The following IL1R1 variants were observed in gnomAD, a reference collection of about 807,000 sequenced individuals.
The protein encoded by IL1R1 is interleukin 1 receptor type 1.
A neutral mutation model predicts 50.2 loss-of-function variants in IL1R1; 22 were observed. The observed-to-expected ratio is 0.44, with a 90% CI of 0.31 to 0.63. IL1R1 has a LOEUF of 0.63. Among genes scored for constraint, IL1R1 ranks in the 20% least tolerant of loss-of-function variants. The probability of loss-of-function intolerance (pLI) is 0.07; values close to 1 mark genes in which losing one functional copy is unlikely to be tolerated. For synonymous variants in IL1R1, 251 were observed against 236.7 expected (o/e 1.06, Z -0.55); for missense variants, 509 against 676.2 (o/e 0.75, Z 2.74).
chr2:102,140,255 C>A (rs1185179260), upstream of IL1R1, among the ~76,000 whole-genome samples: 1 of 152,220 alleles, frequency 6.6e-6, no homozygotes. Context: ...TGTCCTGCCA[C>A]ATGGGCCATA....
intron 2 of IL1R1, among the ~76,000 whole-genome samples, chr2:102,155,338 G>A (rs1418473056): frequency 6.6e-6 from 1 of 152,210 alleles, no homozygotes; most frequent in East Asian, 1.9e-4. Context: ...GAGGCACGGA[G>A]GCTGAGCTTT....
At chr2:102,092,342 T>C (rs1029660049) in intron 1 of IL1R1, among the ~76,000 whole-genome samples, 12 of 152,144 alleles carry the variant, frequency 7.9e-5, no homozygotes, top group African/African-American at 2.9e-4. Flanking sequence ...GTTTTTCCGC[T>C]CCTAGTCGTT....
At chr2:102,079,299 T>C in intron 1 of IL1R1, among the ~76,000 whole-genome samples, 1 of 152,126 alleles carries the variant, frequency 6.6e-6, no homozygotes, top group Non-Finnish European at 1.5e-5. Flanking sequence ...AAAATTCATA[T>C]TGGAAAAAAC....
chr2:102,160,359 C>A (rs554251980), intron 3 of IL1R1, among the ~76,000 whole-genome samples: 1 of 151,740 alleles, frequency 6.6e-6, no homozygotes, highest in Admixed American at 6.6e-5. Context: ...CTTCATTGTT[C>A]TTCTGTTTTC....
chr2:102,154,917 C>T (rs1684031975), intron 2 of IL1R1, among the ~76,000 whole-genome samples: 1 of 152,190 alleles, frequency 6.6e-6, no homozygotes, highest in South Asian at 2.1e-4. Context: ...CCCTCCACCT[C>T]CTCCAGGCTG....
Position 102,174,888 on chromosome 2 carries a change from G to T in IL1R1, c.1135+158G>T, listed in dbSNP as rs112145169. ...ATTCTTACACAGAATTATAGTTTTA[G>T]AACTCATTAGGCTGAATATCATTGT... On this transcript the variant is annotated intron_variant, in intron 10 of 11. Coordinates refer to ENST00000410023, the MANE Select transcript of IL1R1 (RefSeq NM_000877.4). Among the ~76,000 whole-genome samples, 16 of 152,264 alleles carry T rather than the reference G, an allele frequency of 1.1e-4. 1 individual carries two copies. Among genetic ancestry groups the T allele is most frequent in the African/African-American group, 3.6e-4 (15 of 41,578 alleles).
At chr2:102,161,026 T>C (rs935549783) in intron 3 of IL1R1, among the ~76,000 whole-genome samples, 2 of 152,210 alleles carry the variant, frequency 1.3e-5, no homozygotes, top group African/African-American at 4.8e-5. Context: ...TTTCTTAAGG[T>C]AGAAGCTCAA....
At chr2:102,174,762 G>A (rs201376584) in intron 10 of IL1R1, 32 bp downstream of exon 10, 14 of 1,569,890 alleles carry the variant, frequency 8.9e-6, no homozygotes, top group Admixed American at 5.5e-5. Flanking sequence ...AGTATTTCTT[G>A]TTGGAGATAA....
intron 1 of IL1R1, among the ~76,000 whole-genome samples, chr2:102,136,602 C>A (rs1462996390): frequency 2.0e-5 from 3 of 151,794 alleles, no homozygotes; most frequent in Non-Finnish European, 4.4e-5. Context: ...GGTCTCGAAC[C>A]CCTGACCTCG....
upstream of IL1R1, among the ~76,000 whole-genome samples, chr2:102,103,315 C>T (rs141224183): frequency 8.3e-3 from 1,260 of 152,120 alleles, 13 homozygotes; most frequent in African/African-American, 0.028. Flanking sequence ...TCTGCTTGAG[C>T]AAATGGCGGT....
At chr2:102,075,659 A>T (rs2104274180) in intron 1 of IL1R1, among the ~76,000 whole-genome samples, 1 of 152,254 alleles carries the variant, frequency 6.6e-6, no homozygotes, top group Non-Finnish European at 1.5e-5. Context: ...CCCCACACAT[A>T]CCTGATTGCC....
upstream of IL1R1, among the ~76,000 whole-genome samples, chr2:102,102,759 C>T (rs1680197531): frequency 6.6e-6 from 1 of 152,072 alleles, no homozygotes; most frequent in African/African-American, 2.4e-5. Flanking sequence ...AAATGTTCAT[C>T]AGTGGTAGAC....
chr2:102,086,705 C>A (rs1442936032), intron 1 of IL1R1, among the ~76,000 whole-genome samples: 1 of 152,126 alleles, frequency 6.6e-6, no homozygotes, highest in East Asian at 1.9e-4. Context: ...TTAAAAAATT[C>A]TCGTTACTGT....
intron 1 of IL1R1, among the ~76,000 whole-genome samples, chr2:102,089,834 C>CTTT (rs36099195): frequency 7.4e-6 from 1 of 134,258 alleles, no homozygotes; most frequent in African/African-American, 2.7e-5. Context: ...TTTGGTTTAT[C>CTTT]TTTTTTTTTT....
At chr2:102,128,604 GATAGTAT>G (rs1577911492) in intron 1 of IL1R1, among the ~76,000 whole-genome samples, 1 of 152,350 alleles carries the variant, frequency 6.6e-6, no homozygotes, top group East Asian at 1.9e-4. Flanking sequence ...GTGCCACACA[GATAGTAT>G]ATTGTAGAGC....
intron 1 of IL1R1, among the ~76,000 whole-genome samples, chr2:102,074,265 G>A (rs148345066): frequency 2.6e-5 from 4 of 152,320 alleles, no homozygotes; most frequent in Non-Finnish European, 4.4e-5. Flanking sequence ...TGCTCCACAT[G>A]ACGTGGTCTG....
chr2:102,105,847 G>A (rs1460881191), intron 1 of IL1R1, among the ~76,000 whole-genome samples: 2 of 152,148 alleles, frequency 1.3e-5, no homozygotes, highest in African/African-American at 2.4e-5. Context: ...CTATAGAGAA[G>A]ACCATGCACT....
chr2:102,129,623 G>A (rs4851543), intron 1 of IL1R1, among the ~76,000 whole-genome samples: 13,468 of 152,244 alleles, frequency 0.088, 805 homozygotes, highest in East Asian at 0.26. Context: ...GGGCTGCTGT[G>A]CTGTGAAGTA....
intron 1 of IL1R1, among the ~76,000 whole-genome samples, chr2:102,130,092 A>C (rs1425389578): frequency 6.6e-6 from 1 of 152,212 alleles, no homozygotes; most frequent in Non-Finnish European, 1.5e-5. Flanking sequence ...TCAACAGAAT[A>C]CAGATAAGTT....
Sources: gnomAD v4.1 joint callset for allele counts (sites outside exome capture counted in the v4.1 genomes callset) on GRCh38, gnomAD v4.1.1 for gene constraint, MANE v1.5 for transcripts, NCBI Gene and HGNC (gene_info 2026-07-23, HGNC 2026-07-21) for gene names.